The following PTPRK variants were observed in gnomAD, a reference collection of about 807,000 sequenced individuals.
PTPRK encodes the protein receptor-type tyrosine-protein phosphatase kappa.
Under a neutral mutation model 178.0 loss-of-function variants are expected in PTPRK, and 75 were observed. The observed-to-expected ratio is 0.42, with a 90% CI of 0.35 to 0.51. The LOEUF (loss-of-function observed/expected upper bound fraction) is 0.51, where lower values mean the gene tolerates loss of function less well. Among genes scored for constraint, PTPRK ranks in the 20% least tolerant of loss-of-function variants. PTPRK has a pLI of 0.02. For missense variants in PTPRK, 1,441 were observed against 1,797.8 expected (o/e 0.80, Z 3.59); for synonymous variants, 637 against 620.6 (o/e 1.03, Z -0.39).
chr6:128,270,368 A>T (rs1436754614), intron 3 of PTPRK, among the ~76,000 whole-genome samples: 2 of 152,128 alleles, frequency 1.3e-5, no homozygotes, highest in Admixed American at 1.3e-4. Context: ...AGTGACACAT[A>T]TAGCTTAAAT....
chr6:128,413,850 TTC>T (rs1327325213), intron 1 of PTPRK, among the ~76,000 whole-genome samples: 1 of 152,160 alleles, frequency 6.6e-6, no homozygotes, highest in Non-Finnish European at 1.5e-5. Context: ...ATGGTTTTAT[TTC>T]TGTTGCCTTT....
At chr6:128,259,523 C>T (rs892834972) in intron 3 of PTPRK, among the ~76,000 whole-genome samples, 1 of 151,978 alleles carries the variant, frequency 6.6e-6, no homozygotes, top group African/African-American at 2.4e-5. Context: ...TATGTGCCAC[C>T]TGTCAAAATA....
At chr6:128,489,506 T>C (rs79629935) in intron 1 of PTPRK, among the ~76,000 whole-genome samples, 2,382 of 152,296 alleles carry the variant, frequency 0.016, 29 homozygotes, top group Non-Finnish European at 0.026. Context: ...AAAGTGATAG[T>C]AACATGGTTT....
chr6:128,063,745 A>T (rs527858778), intron 13 of PTPRK, among the ~76,000 whole-genome samples: 4 of 152,328 alleles, frequency 2.6e-5, no homozygotes, highest in African/African-American at 9.6e-5. Context: ...TTTCTCTTCC[A>T]TAAAGCTTCT....
chr6:128,158,789 T>C (rs1447624180), intron 7 of PTPRK, among the ~76,000 whole-genome samples: 1 of 151,884 alleles, frequency 6.6e-6, no homozygotes. Flanking sequence ...AAAACCTTCA[T>C]CAAACAGTTA....
chr6:128,241,781 CTTTTT>C (rs930513368), intron 4 of PTPRK, among the ~76,000 whole-genome samples: 4 of 132,146 alleles, frequency 3.0e-5, no homozygotes, highest in Non-Finnish European at 3.2e-5. Context: ...TGTTTGCTTT[CTTTTT>C]TTTTTTTTTT....
chr6:128,295,467 AG>A (rs1372571263), intron 3 of PTPRK, among the ~76,000 whole-genome samples: 1 of 152,156 alleles, frequency 6.6e-6, no homozygotes, highest in Non-Finnish European at 1.5e-5. Context: ...CTAATTAAAA[AG>A]TAACACTAAG....
intron 1 of PTPRK, among the ~76,000 whole-genome samples, chr6:128,412,445 C>G (rs541650098): frequency 1.3e-5 from 2 of 152,146 alleles, no homozygotes; most frequent in Admixed American, 1.3e-4. Flanking sequence ...AGTAAGGCAC[C>G]AAGCCATAGT....
chr6:128,473,200 G>A (rs747564737), intron 1 of PTPRK, among the ~76,000 whole-genome samples: 2 of 151,792 alleles, frequency 1.3e-5, no homozygotes, highest in Non-Finnish European at 2.9e-5. Context: ...AAGAATATAG[G>A]CCAGGTATTT....
chr6:128,004,300 C>T (rs1778178779), intron 15 of PTPRK, among the ~76,000 whole-genome samples: 1 of 151,772 alleles, frequency 6.6e-6, no homozygotes, highest in African/African-American at 2.4e-5. Context: ...TAGGCAATTT[C>T]ACTTAAATTT....
At chr6:128,255,521 G>T (rs935046581) in intron 3 of PTPRK, among the ~76,000 whole-genome samples, 2 of 152,340 alleles carry the variant, frequency 1.3e-5, no homozygotes, top group African/African-American at 4.8e-5. Context: ...CCACTCAAAT[G>T]ATTTTAGATG....
chr6:128,011,127 A>AT (rs375284197), intron 13 of PTPRK, among the ~76,000 whole-genome samples: 68 of 151,462 alleles, frequency 4.5e-4, no homozygotes, highest in Middle Eastern at 3.4e-3. Context: ...GAACATAGTC[A>AT]TTGCTTGTAA....
chr6:128,189,481 C>T (rs1024978785), intron 6 of PTPRK, among the ~76,000 whole-genome samples: 4 of 151,778 alleles, frequency 2.6e-5, no homozygotes, highest in African/African-American at 7.3e-5. Flanking sequence ...CCTTGTGATC[C>T]TCCCACCTCG....
chr6:127,980,490 TAA>T (rs1238201731), intron 25 of PTPRK, among the ~76,000 whole-genome samples: 3 of 140,364 alleles, frequency 2.1e-5, no homozygotes. Context: ...AGACTCTGTC[TAA>T]AAAAAAAAAA....
At chr6:128,278,596 A>G (rs1221912875) in intron 3 of PTPRK, among the ~76,000 whole-genome samples, 2 of 152,172 alleles carry the variant, frequency 1.3e-5, no homozygotes, top group Non-Finnish European at 2.9e-5. Context: ...TACTGGAAAA[A>G]AATTGACTAA....
chr6:128,115,935 C>A (rs1213284682), intron 7 of PTPRK, among the ~76,000 whole-genome samples: 2 of 152,106 alleles, frequency 1.3e-5, no homozygotes, highest in East Asian at 1.9e-4. Context: ...ACACACAGAG[C>A]GGTATACATT....
At chr6:128,383,752 T>C (rs568941341) in intron 2 of PTPRK, among the ~76,000 whole-genome samples, 2 of 152,346 alleles carry the variant, frequency 1.3e-5, no homozygotes, top group Admixed American at 6.5e-5. Flanking sequence ...ATCAATTTCT[T>C]AATTCTATTG....
chr6:128,300,671 G>A (rs961163299), intron 3 of PTPRK, among the ~76,000 whole-genome samples: 1 of 146,416 alleles, frequency 6.8e-6, no homozygotes, highest in Non-Finnish European at 1.5e-5. Flanking sequence ...GAGAACACAC[G>A]GACACAGGAA....
chr6:127,998,842 C>T lies in PTPRK; in HGVS notation c.2557G>A (p.Glu853Lys), dbSNP rs145087914. Reference protein sequence around the residue: ...RLLDVPRYLCEGTESPYQTGQ... With the variant: ...RLLDVPRYLCKGTESPYQTGQ... ...GTCTGGTAAGGGGATTCCGTCCCCT[C>T]ACAGAGGTAGCGAGGTACGTCTAGA... is the stretch of plus-strand genomic sequence containing the variant. The change falls in exon 16 of 30, where the codon GAG becomes AAG. Residue 853 changes from glutamate (E) to lysine (K), a missense_variant. Glu to Lys is a moderately conservative substitution (Grantham distance 56). This residue lies in a region of PTPRK where 945 missense variants were observed against 1,080.6 expected (regional missense o/e 0.87). Transcript: ENST00000368226. 24 of 1,607,866 alleles carry T rather than the reference C, an allele frequency of 1.5e-5. No homozygotes were observed. In the African/African-American group the frequency reaches 2.9e-4, roughly 20 times the overall value.
Sources: allele counts gnomAD v4.1 joint callset (sites outside exome capture counted in the v4.1 genomes callset), GRCh38; gene constraint gnomAD v4.1.1; regional missense constraint gnomAD v4.1.1; transcripts MANE v1.5; gene names NCBI Gene and HGNC (gene_info 2026-07-23, HGNC 2026-07-21).